The following WFS1 variants were observed in gnomAD, a reference collection of about 807,000 sequenced individuals.
WFS1 encodes wolframin.
In WFS1, 90 loss-of-function variants were observed where a neutral mutation model predicts 68.5. The observed-to-expected ratio is 1.31, with a 90% CI of 1.11 to 1.56. The LOEUF (loss-of-function observed/expected upper bound fraction) is 1.56. Among genes scored for constraint, WFS1 ranks in the 40% most tolerant of loss-of-function variants. The pLI is 0.00. For missense variants in WFS1, 1,767 were observed against 1,232.6 expected (o/e 1.43, Z -6.49); for synonymous variants, 860 against 540.7 (o/e 1.59, Z -8.19).
Position 6,291,967 on chromosome 4 carries a change from C to T in WFS1, c.682C>T (p.Arg228Cys), listed in dbSNP as rs779791068. The change falls in exon 6 of 8, where the codon CGC becomes TGC. Residue 228 changes from arginine to cysteine, a missense_variant. Transcript: ENST00000226760. Reference protein sequence around the residue: ...PVPKSLQKQRRMLERLVSSES... With the variant: ...PVPKSLQKQRCMLERLVSSES... ...GCCCAAGTCCCTGCAGAAGCAGAGG[C>T]GCATGCTGGAGCGCCTGGTCAGCAG... is the stretch of plus-strand genomic sequence containing the variant. 7 of 1,610,514 alleles carry T rather than the reference C, an allele frequency of 4.3e-6. No homozygotes were observed. Among genetic ancestry groups the T allele is most frequent in the Admixed American group, 3.3e-5 (2 of 59,754 alleles).
chr4:6,277,503 G>T lies in WFS1; in HGVS notation c.48G>T (p.Pro16=). The part of the protein sequence containing the change: ...APLGPSCPQP[P]PAPQPQARSR... Reference sequence around the variant, plus strand: ...TGGGCCCCTCCTGCCCACAGCCCCCGCCAGCACCGCAGCCCCAGGCGCGTT... The same window carrying T: ...TGGGCCCCTCCTGCCCACAGCCCCCTCCAGCACCGCAGCCCCAGGCGCGTT... Residue 16 remains proline, a synonymous_variant, in exon 2 of 8, where the codon CCG becomes CCT. Transcript: ENST00000226760. The T allele has an allele frequency of 1.3e-6, 2 of 1,576,366 alleles. No homozygotes were observed. Among genetic ancestry groups the T allele is most frequent in the Non-Finnish European group, 8.6e-7 (1 of 1,161,632 alleles).
At chr4:6,288,797 T>C in intron 3 of WFS1, 190 bp from the exon 4 acceptor site, 1 of 796,372 alleles carries the variant, frequency 1.3e-6, no homozygotes, top group Non-Finnish European at 2.1e-6. Flanking sequence ...CTCACCGTGT[T>C]TTGAGGAGCG....
Position 6,301,153 on chromosome 4 carries a change from C to A in WFS1, c.1358C>A (p.Pro453His). The change falls in exon 8 of 8, where the codon CCC becomes CAC. Residue 453 changes from proline (P) to histidine (H), a missense_variant. Physicochemically the swap from Pro to His is moderately conservative, Grantham distance 77. Coordinates refer to ENST00000226760, the MANE Select transcript of WFS1 (RefSeq NM_006005.3). Reference sequence around the variant, plus strand: ...CTGAGCCTGAGCACCCATGCAGAGCCCTACACGCGCAGGGCCCTGGCCACC... The same window carrying A: ...CTGAGCCTGAGCACCCATGCAGAGCACTACACGCGCAGGGCCCTGGCCACC... ...SYLSLSTHAE[P>H]YTRRALATEV... is the part of the protein sequence containing the mutation. 1 of 1,612,974 alleles carries A rather than the reference C, an allele frequency of 6.2e-7. No homozygotes were observed. Among genetic ancestry groups the A allele is most frequent in the Non-Finnish European group, 8.5e-7 (1 of 1,179,974 alleles).
chr4:6,286,112 C>G (rs1730301858), intron 2 of WFS1, among the ~76,000 whole-genome samples: 1 of 152,036 alleles, frequency 6.6e-6, no homozygotes, highest in Non-Finnish European at 1.5e-5. Flanking sequence ...TAACCTGACT[C>G]TGTCTCCTTG....
At chr4:6,288,759 G>T in intron 3 of WFS1, 1 of 617,352 alleles carries the variant, frequency 1.6e-6, no homozygotes, top group Middle Eastern at 4.4e-4. Context: ...TGTCTCCCTC[G>T]CCGTGTGGAT....
chr4:6,276,170 C>G (rs1164591786), intron 1 of WFS1, among the ~76,000 whole-genome samples: 1 of 152,198 alleles, frequency 6.6e-6, no homozygotes, highest in African/African-American at 2.4e-5. Flanking sequence ...GTTTCCACAG[C>G]CTCACACAGC....
At position 6,287,216 on chromosome 4, in the gene WFS1, C is replaced by A. The variant is rs1265490885; in HGVS notation, c.315+41C>A. 6.6e-7 allele frequency: 1 copy of A among 1,519,236 alleles called. No individual in the cohort carries two copies. 94.1% of individuals were successfully genotyped at this position (1,519,236 alleles called of 1,614,324 possible). ...CCGGCAGGGACTTCGGGACGCGGCC[C>A]CCGGCACAACAGGCCTGGCCACGAG... On this transcript the variant is annotated intron_variant, in intron 3 of 7. Transcript: ENST00000226760. The surrounding 1 kb of genome is among the most constrained non-coding windows in gnomAD (Gnocchi z 6.4).
At chr4:6,300,532 G>C in intron 7 of WFS1, 125 bp from the exon 8 acceptor site, 1 of 1,438,668 alleles carries the variant, frequency 7.0e-7, no homozygotes, top group Non-Finnish European at 9.5e-7. Flanking sequence ...GATGGGGCTG[G>C]TGATGGGAAA....
At chr4:6,286,053 G>A (rs942374981) in intron 2 of WFS1, among the ~76,000 whole-genome samples, 1 of 152,130 alleles carries the variant, frequency 6.6e-6, no homozygotes, top group Non-Finnish European at 1.5e-5. Flanking sequence ...GAAAACAAGA[G>A]GTTATTGGAA....
intron 4 of WFS1, 54 bp downstream of exon 4, chr4:6,289,185 G>C: frequency 2.0e-6 from 3 of 1,530,266 alleles, no homozygotes; most frequent in Non-Finnish European, 2.6e-6. Flanking sequence ...AGCTTGTAAT[G>C]CTGCTTGCTA....
chr4:6,302,116 A>G lies in WFS1; in HGVS notation c.2321A>G (p.Lys774Arg), dbSNP rs201127866. The G allele has an allele frequency of 6.2e-7, 1 of 1,612,910 alleles. No homozygotes were observed. ...CACATCAAGAAGTTCGACCGCTACAAGTTTGAGATTACCGTGGGCATGCCA... is the reference window on the plus strand; with the variant it reads ...CACATCAAGAAGTTCGACCGCTACAGGTTTGAGATTACCGTGGGCATGCCA... ...PCHIKKFDRY[K>R]FEITVGMPFS... The change falls in exon 8 of 8, where the codon AAG becomes AGG. Residue 774 changes from lysine to arginine, a missense_variant. By Grantham distance (26) the Lys-to-Arg change is conservative. Transcript: ENST00000226760.
chr4:6,291,619 C>T (rs981874494), intron 5 of WFS1, among the ~76,000 whole-genome samples: 1 of 152,174 alleles, frequency 6.6e-6, no homozygotes, highest in African/African-American at 2.4e-5. Context: ...CAAGTGCTCA[C>T]TCATTGAATA....
chr4:6,300,734 C>G lies in WFS1; in HGVS notation c.939C>G (p.His313Gln), dbSNP rs764627117. Residue 313 changes from histidine to glutamine, a missense_variant, in exon 8 of 8, where the codon CAC becomes CAG. By Grantham distance (24) the His-to-Gln change is conservative. Transcript: ENST00000226760. Reference sequence around the variant, plus strand: ...ACATGGCCTCCAGGGCAGGCATGCACTGGCTGTCCACCATCATCCCCACGC... The same window carrying G: ...ACATGGCCTCCAGGGCAGGCATGCAGTGGCTGTCCACCATCATCCCCACGC... ...LIDMASRAGM[H>Q]WLSTIIPTHH... The G allele has an allele frequency of 1.9e-6, 3 of 1,614,092 alleles. No individual in the cohort carries two copies. The East Asian group carries it at 6.7e-5, about 36-fold the overall frequency.
chr4:6,300,288 C>T (rs985699258), intron 7 of WFS1, among the ~76,000 whole-genome samples: 4 of 152,168 alleles, frequency 2.6e-5, no homozygotes, highest in African/African-American at 7.2e-5. Context: ...TCTCAGGGCT[C>T]CGTCATCTCT....
chr4:6,279,789 C>T (rs1348311859), intron 2 of WFS1, among the ~76,000 whole-genome samples: 3 of 152,226 alleles, frequency 2.0e-5, no homozygotes, highest in African/African-American at 7.2e-5. Flanking sequence ...GAGGAGGCAT[C>T]GTCGGAGCCC....
intron 7 of WFS1, among the ~76,000 whole-genome samples, chr4:6,296,386 C>T (rs1378234342): frequency 1.3e-5 from 2 of 152,232 alleles, no homozygotes; most frequent in African/African-American, 4.8e-5. Flanking sequence ...GGCTCTGCTC[C>T]TCCCACTTGG....
intron 7 of WFS1, among the ~76,000 whole-genome samples, chr4:6,297,278 C>T (rs1376546998): frequency 6.6e-6 from 1 of 152,166 alleles, no homozygotes; most frequent in Non-Finnish European, 1.5e-5. Context: ...GGCAATGAAT[C>T]GTCACAAGCG....
intron 6 of WFS1, among the ~76,000 whole-genome samples, chr4:6,294,377 T>C (rs978811457): frequency 2.6e-5 from 4 of 151,798 alleles, no homozygotes; most frequent in Non-Finnish European, 4.4e-5. Flanking sequence ...GTGGAAGATG[T>C]TGGATGGAGG....
At position 6,287,002 on chromosome 4, in the gene WFS1, A is replaced by C. The variant is rs1399865789; in HGVS notation, c.233-91A>C. ...ATTTGAAAGTGACAAGCAGCAGCAGATCTGAAGACCCTCATGCCTTGTCCC... is the reference window on the plus strand; with the variant it reads ...ATTTGAAAGTGACAAGCAGCAGCAGCTCTGAAGACCCTCATGCCTTGTCCC... On this transcript the variant is annotated intron_variant, in intron 2 of 7. Coordinates refer to ENST00000226760, the MANE Select transcript of WFS1 (RefSeq NM_006005.3). The surrounding 1 kb of genome is among the most constrained non-coding windows in gnomAD (Gnocchi z 6.4). The C allele has an allele frequency of 8.8e-7, 1 of 1,138,310 alleles. No homozygotes were observed. The highest frequency in any genetic ancestry group is 2.6e-5 in the East Asian group (1 of 38,902). 70.5% of individuals were successfully genotyped at this position (1,138,310 alleles called of 1,614,324 possible). A position where few individuals can be genotyped will look rare whatever the true frequency, so the allele number is the denominator to read the frequency against.
Sources: allele counts gnomAD v4.1 joint callset (sites outside exome capture counted in the v4.1 genomes callset), GRCh38; gene constraint gnomAD v4.1.1; non-coding constraint Gnocchi (gnomAD v3.1); transcripts MANE v1.5; gene names NCBI Gene and HGNC (gene_info 2026-07-23, HGNC 2026-07-21).